Variants in AKAP6 observed in about 807,000 individuals in gnomAD.
AKAP6 encodes A-kinase anchor protein 6.
Under a neutral mutation model 188.5 loss-of-function variants are expected in AKAP6, and 58 were observed. The ratio of observed to expected loss-of-function variants is 0.31; its 90% CI spans 0.25 to 0.38. The LOEUF is 0.38. AKAP6 is among the 10% of genes least tolerant of loss of function. The probability of loss-of-function intolerance (pLI) is 1.00; values close to 1 mark genes in which losing one functional copy is unlikely to be tolerated. For missense variants in AKAP6, 2,710 were observed against 2,740.0 expected, an observed-to-expected ratio of 0.99 and a Z score of 0.24; for synonymous variants, 989 against 998.6, an observed-to-expected ratio of 0.99 and a Z score of 0.18.
rs1447634019 is a variant in AKAP6, at chr14:32,393,698, A to T, written c.-34-39762A>T. Reference sequence around the variant, plus strand: ...AAGTTAAAATTTAAAAAAATTAAGAAGAAAAATTATAATGGGGAGAGATTT... The same window carrying T: ...AAGTTAAAATTTAAAAAAATTAAGATGAAAAATTATAATGGGGAGAGATTT... On this transcript the variant is annotated intron_variant, in intron 1 of 13. Coordinates refer to ENST00000280979, the MANE Select transcript of AKAP6 (RefSeq NM_004274.5). 4.6e-5 allele frequency among the ~76,000 whole-genome samples: 7 copies of T among 152,156 alleles called. No homozygotes were observed. In the East Asian group the frequency reaches 1.3e-3, roughly 29 times the overall value.
intron 9 of AKAP6, among the ~76,000 whole-genome samples, chr14:32,723,944 G>A (rs79656955): frequency 8.3e-4 from 126 of 152,236 alleles, no homozygotes; most frequent in African/African-American, 2.7e-3. Context: ...ACTTATGAGA[G>A]CATATTGTTA....
chr14:32,773,572 C>A, intron 11 of AKAP6, 106 bp from the exon 12 acceptor site: 4 of 1,057,472 alleles, frequency 3.8e-6, no homozygotes, highest in Non-Finnish European at 5.5e-6. Context: ...TTGTTGGTAG[C>A]TGAGTGTATC....
At chr14:32,385,734 T>C (rs1431225548) in intron 1 of AKAP6, among the ~76,000 whole-genome samples, 1 of 151,598 alleles carries the variant, frequency 6.6e-6, no homozygotes, top group Non-Finnish European at 1.5e-5. Context: ...ACGAATGCCA[T>C]TAATTCATTC....
chr14:32,650,136 G>A (rs1888147281), intron 7 of AKAP6, among the ~76,000 whole-genome samples: 2 of 152,142 alleles, frequency 1.3e-5, no homozygotes. Flanking sequence ...TTGGGTTCTA[G>A]TTCTTCCTTT....
At chr14:32,359,274 T>C (rs1023371345) in intron 1 of AKAP6, among the ~76,000 whole-genome samples, 2 of 152,292 alleles carry the variant, frequency 1.3e-5, no homozygotes, top group East Asian at 1.9e-4. Context: ...AAAATGAACA[T>C]TTTCCTGTTT....
rs151245677 is a variant in AKAP6, at chr14:32,814,290, C to T, written c.3589-7112C>T. Among the ~76,000 whole-genome samples the T allele has an allele frequency of 4.6e-5, 7 of 152,282 alleles. No homozygotes were observed. In the East Asian group the frequency reaches 5.8e-4, roughly 13 times the overall value. On this transcript the variant is annotated intron_variant, in intron 12 of 13. Transcript: ENST00000280979. ...CTGTGGCATTTAGTAGTTTTAAAAT[C>T]ATTTTAAAGTGAGCAGTTCTGTGGC...
chr14:32,510,465 TATATATATATAC>T (rs1881190183), intron 2 of AKAP6, among the ~76,000 whole-genome samples: 2 of 94,006 alleles, frequency 2.1e-5, no homozygotes, highest in African/African-American at 4.3e-5. Context: ...TATATGTGTA[TATATATATATAC>T]ATATATATAT....
chr14:32,792,829 G>A (rs1474616706), intron 12 of AKAP6, among the ~76,000 whole-genome samples: 1 of 152,136 alleles, frequency 6.6e-6, no homozygotes, highest in African/African-American at 2.4e-5. Flanking sequence ...GCATGAAGTA[G>A]TGTTGAATTT....
intron 4 of AKAP6, among the ~76,000 whole-genome samples, chr14:32,554,836 G>A (rs1456342545): frequency 6.6e-6 from 1 of 152,162 alleles, no homozygotes; most frequent in African/African-American, 2.4e-5. Context: ...TTGGGATATA[G>A]CGCATGGTCC....
At chr14:32,813,323 G>C (rs1369375264) in intron 12 of AKAP6, among the ~76,000 whole-genome samples, 1 of 151,484 alleles carries the variant, frequency 6.6e-6, no homozygotes, top group East Asian at 1.9e-4. Flanking sequence ...CAGGTGTTCT[G>C]CAACCTAGAA....
At chr14:32,481,595 T>G (rs2138901785) in intron 2 of AKAP6, among the ~76,000 whole-genome samples, 1 of 152,282 alleles carries the variant, frequency 6.6e-6, no homozygotes, top group South Asian at 2.1e-4. Context: ...CTTATGAGAC[T>G]TATTCATTAT....
Position 32,484,935 on chromosome 14 carries a change from C to T in AKAP6, c.325-50619C>T, listed in dbSNP as rs1272091695. 3.2e-5 allele frequency: 7 copies of T among 218,328 alleles called. 2 individuals carry two copies. The highest frequency in any genetic ancestry group is 2.7e-5 in the Non-Finnish European group (4 of 149,782). The allele number at this position is 218,328 out of a possible 1,614,324, so 13.5% of individuals were successfully genotyped here. A position where few individuals can be genotyped will look rare whatever the true frequency, so the allele number is the denominator to read the frequency against. ...TTCGAAGAAGCAGCTTCAAACCTGG[C>T]GGGGCTTCTCCCGCCTTTTTTTCCT... is the stretch of plus-strand genomic sequence containing the variant. On this transcript the variant is annotated intron_variant, in intron 2 of 13. Coordinates refer to ENST00000280979, the MANE Select transcript of AKAP6 (RefSeq NM_004274.5).
chr14:32,592,352 A>T (rs1189956569), intron 5 of AKAP6, among the ~76,000 whole-genome samples: 2 of 152,178 alleles, frequency 1.3e-5, no homozygotes, highest in Non-Finnish European at 2.9e-5. Context: ...TACAAGTACT[A>T]TGGGTGCCAA....
intron 8 of AKAP6, among the ~76,000 whole-genome samples, chr14:32,692,537 G>A (rs140086866): frequency 2.0e-4 from 31 of 152,194 alleles, no homozygotes; most frequent in East Asian, 9.7e-4. Flanking sequence ...AAAATCTCAC[G>A]TAAAGAATGA....
rs544690432 is a variant in AKAP6, at chr14:32,621,627, C to T, written c.2730+20835C>T. On this transcript the variant is annotated intron_variant, in intron 7 of 13. Coordinates refer to ENST00000280979, the MANE Select transcript of AKAP6 (RefSeq NM_004274.5). Reference sequence around the variant, plus strand: ...TCTTGGAGAATGTTCCATGTGCTGACGAGAATAATGTATATTATACAGTTC... The same window carrying T: ...TCTTGGAGAATGTTCCATGTGCTGATGAGAATAATGTATATTATACAGTTC... Among the ~76,000 whole-genome samples, 10 of 151,942 alleles carry T rather than the reference C, an allele frequency of 6.6e-5. No individual in the cohort carries two copies. In the South Asian group the frequency reaches 1.7e-3, roughly 25 times the overall value.
At chr14:32,761,069 A>G (rs575963471) in intron 11 of AKAP6, among the ~76,000 whole-genome samples, 46 of 152,370 alleles carry the variant, frequency 3.0e-4, no homozygotes, top group Admixed American at 7.2e-4. Flanking sequence ...GTCCGAACTC[A>G]TAGGAAAATG....
At chr14:32,714,476 A>G (rs994819703) in intron 9 of AKAP6, among the ~76,000 whole-genome samples, 2 of 151,994 alleles carry the variant, frequency 1.3e-5, no homozygotes, top group African/African-American at 4.8e-5. Context: ...ATTTCTAAAT[A>G]CTACACTGCT....
chr14:32,507,002 A>G (rs1288887779), intron 2 of AKAP6, among the ~76,000 whole-genome samples: 2 of 152,214 alleles, frequency 1.3e-5, no homozygotes, highest in Non-Finnish European at 2.9e-5. Flanking sequence ...GAGTTATACA[A>G]AGGAAGGAGA....
At chr14:32,628,399 A>G (rs1333237953) in intron 7 of AKAP6, among the ~76,000 whole-genome samples, 1 of 152,032 alleles carries the variant, frequency 6.6e-6, no homozygotes, top group Admixed American at 6.6e-5. Context: ...TGTTCTTTTG[A>G]TAGGTTGATG....
Sources: gnomAD v4.1 joint callset for allele counts (sites outside exome capture counted in the v4.1 genomes callset) on GRCh38, gnomAD v4.1.1 for gene constraint, MANE v1.5 for transcripts, NCBI Gene and HGNC (gene_info 2026-07-23, HGNC 2026-07-21) for gene names.